Variants in MGAT4C observed in about 807,000 individuals in gnomAD.
The protein encoded by MGAT4C is MGAT4 family member C.
MGAT4C carries 19 observed loss-of-function variants against 40.1 expected under a neutral mutation model. That is an observed-to-expected ratio of 0.47 (90% CI 0.33 to 0.70). The LOEUF (loss-of-function observed/expected upper bound fraction) is 0.70. MGAT4C is among the 30% of genes least tolerant of loss of function. MGAT4C has a pLI of 0.02. For synonymous variants in MGAT4C, 181 were observed against 187.1 expected, an observed-to-expected ratio of 0.97 and a Z score of 0.27; for missense variants, 491 against 563.2, an observed-to-expected ratio of 0.87 and a Z score of 1.30.
intron 2 of MGAT4C, among the ~76,000 whole-genome samples, chr12:86,640,182 T>TA (rs1272424373): frequency 6.6e-6 from 1 of 151,742 alleles, no homozygotes; most frequent in East Asian, 1.9e-4. Flanking sequence ...GCATATTAAT[T>TA]AAAAAGATAG....
intron 2 of MGAT4C, among the ~76,000 whole-genome samples, chr12:86,477,562 A>G (rs1256473870): frequency 1.3e-5 from 2 of 151,948 alleles, no homozygotes; most frequent in African/African-American, 4.8e-5. Context: ...TGAAAGAAAA[A>G]CGCAGATAAA....
chr12:86,110,878 A>G (rs1877263176), intron 1 of MGAT4C, among the ~76,000 whole-genome samples: 1 of 151,764 alleles, frequency 6.6e-6, no homozygotes, highest in African/African-American at 2.4e-5. Flanking sequence ...TTATGCCGTT[A>G]TATGTACTAC....
chr12:86,443,207 C>T lies in MGAT4C; in HGVS notation c.-228-7942G>A, dbSNP rs192301449. Among the ~76,000 whole-genome samples, 84 of 149,638 alleles carry T rather than the reference C, an allele frequency of 5.6e-4. No homozygotes were observed. The Middle Eastern group carries it at 0.01, about 18-fold the overall frequency. On this transcript the variant is annotated intron_variant, in intron 2 of 7. Coordinates refer to the MGAT4C transcript ENST00000548651. ...ATATGTGTGTGTGTGTATATATATACACACACACACACACATATATACACA... is the reference window on the plus strand; with the variant it reads ...ATATGTGTGTGTGTGTATATATATATACACACACACACACATATATACACA...
chr12:86,764,839 G>T (rs1224147414), intron 1 of MGAT4C, among the ~76,000 whole-genome samples: 1 of 152,060 alleles, frequency 6.6e-6, no homozygotes, highest in Admixed American at 6.6e-5. Flanking sequence ...CAAACAGAAA[G>T]GACATCCACA....
rs148269576 is a variant in MGAT4C, at chr12:86,834,612, C to CCACACACACACACACACACA, written c.-262+4034_-262+4053dup. On this transcript the variant is annotated intron_variant, in intron 1 of 7. Transcript: ENST00000548651. ...ACCTACTGTCTACTTCCCCCAACCA[C>CCACACACACACACACACACA]CACACACACACACACACACACACAC... Among the ~76,000 whole-genome samples the CCACACACACACACACACACA allele has an allele frequency of 6.7e-3, 990 of 148,252 alleles. 7 individuals carry two copies. Among genetic ancestry groups the CCACACACACACACACACACA allele is most frequent in the Middle Eastern group, 0.014 (4 of 284 alleles).
At chr12:86,427,222 T>C (rs1956945121) in intron 3 of MGAT4C, among the ~76,000 whole-genome samples, 2 of 152,150 alleles carry the variant, frequency 1.3e-5, no homozygotes, top group African/African-American at 4.8e-5. Flanking sequence ...ATTCTACATT[T>C]ACACATAAAT....
chr12:86,216,517 T>C (rs570215340), intron 1 of MGAT4C, among the ~76,000 whole-genome samples: 1 of 152,336 alleles, frequency 6.6e-6, no homozygotes, highest in East Asian at 1.9e-4. Context: ...GTATTGTCCT[T>C]GGCACATAAC....
chr12:86,708,943 G>A (rs1023111727), intron 2 of MGAT4C, among the ~76,000 whole-genome samples: 2 of 152,174 alleles, frequency 1.3e-5, no homozygotes, highest in African/African-American at 2.4e-5. Flanking sequence ...TTGGACTGTG[G>A]ACTTTTGAGT....
intron 2 of MGAT4C, among the ~76,000 whole-genome samples, chr12:86,611,407 G>C (rs1039446318): frequency 6.6e-6 from 1 of 150,850 alleles, no homozygotes; most frequent in African/African-American, 2.4e-5. Context: ...TAGGTAGGTA[G>C]GTAGGTAGGT....
At chr12:86,062,768 A>T (rs1894122988) in intron 1 of MGAT4C, among the ~76,000 whole-genome samples, 1 of 151,922 alleles carries the variant, frequency 6.6e-6, no homozygotes, top group Admixed American at 6.6e-5. Context: ...AGAAGAAAGG[A>T]TATCAGAGAT....
chr12:86,683,119 T>A (rs1303125561), intron 2 of MGAT4C, among the ~76,000 whole-genome samples: 1 of 152,090 alleles, frequency 6.6e-6, no homozygotes, highest in Non-Finnish European at 1.5e-5. Context: ...GAGAAACATA[T>A]GATATCCCTG....
At position 86,646,739 on chromosome 12, in the gene MGAT4C, T is replaced by C. The variant is rs116473839; in HGVS notation, c.-229+80470A>G. Reference sequence around the variant, plus strand: ...TTCTCTCATACCAGTGTGTACACTCTTCACAATATGACTCCTGCAATCAAG... The same window carrying C: ...TTCTCTCATACCAGTGTGTACACTCCTCACAATATGACTCCTGCAATCAAG... On this transcript the variant is annotated intron_variant, in intron 2 of 7. Coordinates refer to the MGAT4C transcript ENST00000548651. Among the ~76,000 whole-genome samples, 150 of 152,100 alleles carry C rather than the reference T, an allele frequency of 9.9e-4. 2 individuals carry two copies. Among genetic ancestry groups the C allele is most frequent in the African/African-American group, 3.4e-3 (142 of 41,540 alleles).
At chr12:86,132,649 G>T (rs1192754888) in intron 1 of MGAT4C, among the ~76,000 whole-genome samples, 4 of 151,990 alleles carry the variant, frequency 2.6e-5, no homozygotes, top group Non-Finnish European at 5.9e-5. Flanking sequence ...AAAATTAGCT[G>T]GGCATGGTGG....
chr12:86,700,069 A>ATAGATAGATAGATAAGT (rs1950330273), intron 2 of MGAT4C, among the ~76,000 whole-genome samples: 1 of 150,400 alleles, frequency 6.6e-6, no homozygotes, highest in South Asian at 2.1e-4. Flanking sequence ...GATAGATAAG[A>ATAGATAGATAGATAAGT]TAGATAGATA....
intron 4 of MGAT4C, among the ~76,000 whole-genome samples, chr12:86,275,407 T>C (rs1953049630): frequency 6.6e-6 from 1 of 152,126 alleles, no homozygotes; most frequent in African/African-American, 2.4e-5. Context: ...TGAAGGTAAA[T>C]GAAATAATGA....
intron 1 of MGAT4C, among the ~76,000 whole-genome samples, chr12:86,081,159 A>G (rs1870770089): frequency 6.6e-6 from 1 of 152,178 alleles, no homozygotes; most frequent in South Asian, 2.1e-4. Flanking sequence ...TGGATAATAA[A>G]ACAATAGTAG....
chr12:86,429,922 C>T (rs181937641), intron 3 of MGAT4C, among the ~76,000 whole-genome samples: 4 of 152,202 alleles, frequency 2.6e-5, no homozygotes, highest in Admixed American at 2.6e-4. Flanking sequence ...AAAGTTTAAT[C>T]TCTTGATGGT....
At chr12:86,012,624 C>T (rs1170756341) in intron 2 of MGAT4C, among the ~76,000 whole-genome samples, 12 of 151,756 alleles carry the variant, frequency 7.9e-5, no homozygotes, top group East Asian at 5.8e-4. Flanking sequence ...TGGTGGTGGG[C>T]GCCTGTAATC....
rs189793210 is a variant in MGAT4C at position 86,357,377 on chromosome 12, G to A, written c.-119-23250C>T. Among the ~76,000 whole-genome samples, 3 of 152,286 alleles carry A rather than the reference G, an allele frequency of 2.0e-5. 1 individual carries two copies. The highest frequency in any genetic ancestry group is 2.0e-4 in the Admixed American group (3 of 15,304). On this transcript the variant is annotated intron_variant, in intron 3 of 7. Coordinates refer to the MGAT4C transcript ENST00000548651. ...AACACCACAAAACGGGGAGAAACTA[G>A]AGCAGAAAAGTGGAAAATTCTAAAA... is the stretch of plus-strand genomic sequence containing the variant.
Sources: gnomAD v4.1 joint callset for allele counts (sites outside exome capture counted in the v4.1 genomes callset) on GRCh38, gnomAD v4.1.1 for gene constraint, MANE v1.5 for transcripts, NCBI Gene and HGNC (gene_info 2026-07-23, HGNC 2026-07-21) for gene names.